Variants in MAGEL2 observed in about 807,000 individuals in gnomAD.
MAGEL2 encodes the protein MAGE family member L2.
For synonymous variants in MAGEL2, 792 were observed against 721.7 expected, an observed-to-expected ratio of 1.10 and a Z score of -1.56; for missense variants, 1,830 against 1,699.2, an observed-to-expected ratio of 1.08 and a Z score of -1.35.
chr15:23,646,685 TG>T lies in MAGEL2; in HGVS notation c.1057del (p.Gln353ArgfsTer10). 2 of 1,519,310 alleles carry T rather than the reference TG, an allele frequency of 1.3e-6. No homozygotes were observed. Among genetic ancestry groups the T allele is most frequent in the Non-Finnish European group, 8.8e-7 (1 of 1,137,502 alleles). 94.1% of individuals were successfully genotyped at this position (1,519,310 alleles called of 1,614,324 possible). A position where few individuals can be genotyped will look rare whatever the true frequency, so the allele number is the denominator to read the frequency against. ...QVIRAPPQVPQGPQAPPAQLA... is the reference protein window; with the variant it reads ...QVIRAPPQVPXGPQAPPAQLA... ...CTGCGCTGGGGGTGCCTGCGGGCCCTGGGGAACCTGCGGAGGAGCCCTTATA... is the reference window on the plus strand; with the variant it reads ...CTGCGCTGGGGGTGCCTGCGGGCCCTGGGAACCTGCGGAGGAGCCCTTATA... On this transcript the variant is annotated frameshift_variant, in exon 1 of 1. Coordinates refer to ENST00000650528, the MANE Select transcript of MAGEL2 (RefSeq NM_019066.5). LOFTEE classifies it low-confidence loss of function (END_TRUNC). The surrounding 1 kb of genome is among the most constrained non-coding windows in gnomAD (Gnocchi z 4.2).
At position 23,644,030 on chromosome 15, in the gene MAGEL2, C is replaced by T; in HGVS notation, c.3713G>A (p.Ser1238Asn). The change falls in exon 1 of 1, where the codon AGT (serine) becomes AAT (asparagine). Residue 1238 changes from serine to asparagine, a missense_variant. Ser to Asn is a conservative substitution (Grantham distance 46, BLOSUM62 1). Transcript: ENST00000650528. ...TDEDEPDTGD[S>N]AHGPTSRPPP... ...GGGCCTGCTGGTGGGGCCGTGGGCACTGTCACCGGTGTCAGGTTCATCCTC... is the reference window on the plus strand; with the variant it reads ...GGGCCTGCTGGTGGGGCCGTGGGCATTGTCACCGGTGTCAGGTTCATCCTC... 6.2e-7 allele frequency: 1 copy of T among 1,609,200 alleles called. No homozygotes were observed. Among genetic ancestry groups the T allele is most frequent in the Non-Finnish European group, 8.5e-7 (1 of 1,176,822 alleles).
rs749259273 is a variant in MAGEL2, at chr15:23,645,567, T to C, written c.2176A>G (p.Ile726Val). 4.2e-5 allele frequency: 68 copies of C among 1,611,354 alleles called. No homozygotes were observed. The South Asian group carries it at 6.5e-4, about 15-fold the overall frequency. The part of the protein sequence containing the change: ...TPSGECRASS[I>V]DRRGSSKERR... ...TCTTTAGAGGAGCCCCTGCGGTCTATAGAAGAGGCCCTGCATTCTCCTGAT... is the reference window on the plus strand; with the variant it reads ...TCTTTAGAGGAGCCCCTGCGGTCTACAGAAGAGGCCCTGCATTCTCCTGAT... The change falls in exon 1 of 1, where the codon ATA (isoleucine) becomes GTA (valine). Residue 726 changes from isoleucine to valine, a missense_variant. Transcript: ENST00000650528.
Position 23,644,338 on chromosome 15 carries a change from A to C in MAGEL2, c.3405T>G (p.Phe1135Leu). The change falls in exon 1 of 1, where the codon TTT (phenylalanine) becomes TTG (leucine). Residue 1135 changes from phenylalanine to leucine, a missense_variant. Transcript: ENST00000650528. ...NCVREDLIFN[F>L]LFKLGLDVRE... ...GGACATCCAACCCTAACTTGAACAGAAAATTAAAGATCAGATCCTCCCTGA... is the reference window on the plus strand; with the variant it reads ...GGACATCCAACCCTAACTTGAACAGCAAATTAAAGATCAGATCCTCCCTGA... 6.2e-7 allele frequency: 1 copy of C among 1,613,900 alleles called. No homozygotes were observed. Among genetic ancestry groups the C allele is most frequent in the Non-Finnish European group, 8.5e-7 (1 of 1,179,892 alleles).
In MAGEL2 at chr15:23,646,936, G is replaced by T. The variant is rs377155487; in HGVS notation, c.807C>A (p.Thr269=). 155 of 1,536,758 alleles carry T rather than the reference G, an allele frequency of 1.0e-4. No homozygotes were observed. Among genetic ancestry groups the T allele is most frequent in the Non-Finnish European group, 1.3e-4 (150 of 1,146,830 alleles). The part of the protein sequence containing the change: ...MVQPPPAAMM[T]QPQPSGAPMA... ...TCGGTGCTCCTGAAGGCTGAGGCTG[G>T]GTCATCATGGCTGCTGGAGGCGGCT... Residue 269 remains threonine (T), a synonymous_variant, in exon 1 of 1, where the codon ACC becomes ACA. Transcript: ENST00000650528. This position sits in a 1 kb window ranked among gnomAD's most constrained non-coding sequence, Gnocchi z 4.2.
chr15:23,646,304 C>A lies in MAGEL2; in HGVS notation c.1439G>T (p.Arg480Leu). The change falls in exon 1 of 1, where the codon CGC becomes CTC. Residue 480 changes from arginine (R) to leucine (L), a missense_variant. By Grantham distance (102) the Arg-to-Leu change is moderately radical. Coordinates refer to ENST00000650528, the MANE Select transcript of MAGEL2 (RefSeq NM_019066.5). The surrounding 1 kb of genome is among the most constrained non-coding windows in gnomAD (Gnocchi z 4.2). ...CTGGCGGATCACAGGTGGAGCCTGG[C>A]GGATCACAGGTGGGGCCTGGCGGAT... ...PVIRQAPPVI[R>L]QAPPVIRQAP... 3 of 1,370,682 alleles carry A rather than the reference C, an allele frequency of 2.2e-6. No homozygotes were observed. The highest frequency in any genetic ancestry group is 1.8e-5 in the South Asian group (1 of 55,860). The allele number at this position is 1,370,682 out of a possible 1,614,324, so 84.9% of individuals were successfully genotyped here. A position where few individuals can be genotyped will look rare whatever the true frequency, so the allele number is the denominator to read the frequency against.
rs770559227 is a variant in MAGEL2, at chr15:23,644,263, C to T, written c.3480G>A (p.Val1160=). Residue 1160 remains valine (V), a synonymous_variant, in exon 1 of 1, where the codon GTG becomes GTA. Transcript: ENST00000650528. ...ACTCTAGGTACTTCTGCCTGACAAA[C>T]ACTTCGGTGATGAGCTTCTTAGTAT... ...FGNTKKLITE[V]FVRQKYLEYR... The T allele has an allele frequency of 1.5e-5, 25 of 1,613,658 alleles. No individual in the cohort carries two copies. The highest frequency in any genetic ancestry group is 2.0e-5 in the Non-Finnish European group (24 of 1,179,892).
In MAGEL2 at chr15:23,646,078, C is replaced by T. The variant is rs768084923; in HGVS notation, c.1665G>A (p.Pro555=). 1.3e-5 allele frequency: 19 copies of T among 1,471,814 alleles called. No homozygotes were observed. The highest frequency in any genetic ancestry group is 1.3e-5 in the Non-Finnish European group (15 of 1,116,898). 91.2% of individuals were successfully genotyped at this position (1,471,814 alleles called of 1,614,324 possible). The change falls in exon 1 of 1, where the codon CCG becomes CCA. Residue 555 remains proline (P), a synonymous_variant. Coordinates refer to ENST00000650528, the MANE Select transcript of MAGEL2 (RefSeq NM_019066.5). The surrounding 1 kb of genome is among the most constrained non-coding windows in gnomAD (Gnocchi z 4.2). The part of the protein sequence containing the change: ...APPATQVPAA[P]PAGPQVPQPV... ...GCTGGGGCACCTGCGGGCCAGCGGG[C>T]GGCGCCGCGGGTACCTGCGTAGCAG...
Position 23,644,304 on chromosome 15 carries a change from T to A in MAGEL2, c.3439A>T (p.Asn1147Tyr). Residue 1147 changes from asparagine (N) to tyrosine (Y), a missense_variant, in exon 1 of 1, where the codon AAC (asparagine) becomes TAC (tyrosine). By Grantham distance (143) the Asn-to-Tyr change is moderately radical. Transcript: ENST00000650528. ...FKLGLDVRET[N>Y]GLFGNTKKLI... is the part of the protein sequence containing the mutation. ...TTCTTAGTATTTCCAAAGAGACCGT[T>A]TGTCTCCCGGACATCCAACCCTAAC... The A allele has an allele frequency of 6.2e-7, 1 of 1,613,728 alleles. No homozygotes were observed. The highest frequency in any genetic ancestry group is 1.1e-5 in the South Asian group (1 of 91,076).
rs1555374227 is a variant in MAGEL2 at position 23,645,624 on chromosome 15, GA to G, written c.2118del (p.Leu708TrpfsTer7). The G allele has an allele frequency of 6.3e-7, 1 of 1,593,528 alleles. No homozygotes were observed. The highest frequency in any genetic ancestry group is 8.5e-7 in the Non-Finnish European group (1 of 1,170,710). On this transcript the variant is annotated frameshift_variant, in exon 1 of 1. Coordinates refer to ENST00000650528, the MANE Select transcript of MAGEL2 (RefSeq NM_019066.5). LOFTEE classifies it low-confidence loss of function (END_TRUNC). ...ATCAATGATTTAGCGGAGCCCAGGG[GA>G]AAATTTGCCGCTGCTACCGGGGGTC... ...QPGPPVAAAN[F>X]PLGSAKSLMT...
In MAGEL2 at chr15:23,647,668, G is replaced by T; in HGVS notation, c.75C>A (p.Arg25=). Residue 25 remains arginine (R), a synonymous_variant, in exon 1 of 1, where the codon CGC becomes CGA. Transcript: ENST00000650528. ...AEAPKPPVYS[R]PTVLMRAPPA... ...GCGGGGCCCGCATCAGAACCGTAGGGCGGCTATAGACAGGCGGCTTCGGGG... is the reference window on the plus strand; with the variant it reads ...GCGGGGCCCGCATCAGAACCGTAGGTCGGCTATAGACAGGCGGCTTCGGGG... 6.5e-7 allele frequency: 1 copy of T among 1,530,526 alleles called. No homozygotes were observed. Among genetic ancestry groups the T allele is most frequent in the South Asian group, 1.2e-5 (1 of 83,068 alleles). The allele number at this position is 1,530,526 out of a possible 1,614,324, so 94.8% of individuals were successfully genotyped here.
In MAGEL2 at chr15:23,646,902, G is replaced by T. The variant is rs973727889; in HGVS notation, c.841C>A (p.Pro281Thr). 4 of 1,537,066 alleles carry T rather than the reference G, an allele frequency of 2.6e-6. No homozygotes were observed. The highest frequency in any genetic ancestry group is 3.5e-6 in the Non-Finnish European group (4 of 1,146,884). ...PQPSGAPMAK[P>T]PGPGVLMIHP... is the part of the protein sequence containing the mutation. ...ATCATCAGGACTCCTGGACCTGGAG[G>T]CTTGGCCATCGGTGCTCCTGAAGGC... The change falls in exon 1 of 1, where the codon CCT becomes ACT. Residue 281 changes from proline (P) to threonine (T), a missense_variant. Physicochemically the swap from Pro to Thr is conservative, Grantham distance 38 (BLOSUM62 -1). Transcript: ENST00000650528. The surrounding 1 kb of genome is among the most constrained non-coding windows in gnomAD (Gnocchi z 4.2).
At position 23,647,370 on chromosome 15, in the gene MAGEL2, G is replaced by A. The variant is rs1312710350; in HGVS notation, c.373C>T (p.Pro125Ser). Reference sequence around the variant, plus strand: ...GAAGGATGCACCATCAGGACTCCCGGGGTCGGAGGCTGGGCCATCGGGGCT... The same window carrying A: ...GAAGGATGCACCATCAGGACTCCCGAGGTCGGAGGCTGGGCCATCGGGGCT... The part of the protein sequence containing the change: ...PGAPMAQPPT[P>S]GVLMVHPSAP... Residue 125 changes from proline (P) to serine (S), a missense_variant, in exon 1 of 1, where the codon CCG (proline) becomes TCG (serine). Physicochemically the swap from Pro to Ser is moderately conservative, Grantham distance 74. Transcript: ENST00000650528. 4.6e-6 allele frequency: 7 copies of A among 1,536,826 alleles called. No homozygotes were observed. The African/African-American group carries it at 5.5e-5, about 12-fold the overall frequency.
In MAGEL2 at chr15:23,646,609, C is replaced by T. The variant is rs748070610; in HGVS notation, c.1134G>A (p.Thr378=). The T allele has an allele frequency of 2.0e-6, 3 of 1,472,050 alleles. No homozygotes were observed. Among genetic ancestry groups the T allele is most frequent in the Non-Finnish European group, 9.0e-7 (1 of 1,115,890 alleles). The allele number at this position is 1,472,050 out of a possible 1,614,324, so 91.2% of individuals were successfully genotyped here. Residue 378 remains threonine (T), a synonymous_variant, in exon 1 of 1, where the codon ACG becomes ACA. Transcript: ENST00000650528. The surrounding 1 kb of genome is among the most constrained non-coding windows in gnomAD (Gnocchi z 4.2). ...GGGGAGTGGCCTGCCAGCCTTGCTG[C>T]GTGGCCTGCCATCCTGGCGAGGTCG... is the stretch of plus-strand genomic sequence containing the variant. ...WQATSPGWQA[T]QQGWQATPLT...
rs1367329596 is a variant in MAGEL2 at position 23,645,988 on chromosome 15, G to A, written c.1755C>T (p.Ile585=). The A allele has an allele frequency of 1.3e-6, 2 of 1,556,428 alleles. No homozygotes were observed. The highest frequency in any genetic ancestry group is 2.7e-5 in the African/African-American group (2 of 73,494). ...SAPQAVHCPS[I]IWQAPKGQPP... is the part of the protein sequence containing the mutation. The stretch of plus-strand genomic sequence containing the variant: ...GCTGACCTTTGGGGGCCTGCCAGAT[G>A]ATGGAAGGGCAGTGCACAGCCTGCG... The change falls in exon 1 of 1, where the codon ATC becomes ATT. Residue 585 remains isoleucine, a synonymous_variant. Transcript: ENST00000650528.
rs1404723360 is a variant in MAGEL2 at position 23,646,811 on chromosome 15, G to T, written c.932C>A (p.Pro311Gln). The T allele has an allele frequency of 6.5e-7, 1 of 1,536,180 alleles. No homozygotes were observed. Among genetic ancestry groups the T allele is most frequent in the African/African-American group, 1.4e-5 (1 of 73,168 alleles). ...CATCGGCTGTGCAGGTGGGGCCGCC[G>T]GCTGTGCCATCGGTGCTCCTGAAGC... ...PPASGAPMAQ[P>Q]AAPPAQPMAP... Residue 311 changes from proline (P) to glutamine (Q), a missense_variant, in exon 1 of 1, where the codon CCG becomes CAG. Physicochemically the swap from Pro to Gln is moderately conservative, Grantham distance 76 (BLOSUM62 -1). Transcript: ENST00000650528. This position sits in a 1 kb window ranked among gnomAD's most constrained non-coding sequence, Gnocchi z 4.2.
At position 23,646,917 on chromosome 15, in the gene MAGEL2, C is replaced by A; in HGVS notation, c.826G>T (p.Ala276Ser). The A allele has an allele frequency of 6.5e-7, 1 of 1,536,792 alleles. No homozygotes were observed. Among genetic ancestry groups the A allele is most frequent in the Non-Finnish European group, 8.7e-7 (1 of 1,146,808 alleles). The change falls in exon 1 of 1, where the codon GCA (alanine) becomes TCA (serine). Residue 276 changes from alanine to serine, a missense_variant. By Grantham distance (99) the Ala-to-Ser change is moderately conservative. Transcript: ENST00000650528. The surrounding 1 kb of genome is among the most constrained non-coding windows in gnomAD (Gnocchi z 4.2). ...GGACCTGGAGGCTTGGCCATCGGTG[C>A]TCCTGAAGGCTGAGGCTGGGTCATC... is the stretch of plus-strand genomic sequence containing the variant. ...AMMTQPQPSG[A>S]PMAKPPGPGV...
chr15:23,645,740 G>T lies in MAGEL2; in HGVS notation c.2003C>A (p.Ala668Asp). 6.4e-7 allele frequency: 1 copy of T among 1,570,368 alleles called. No individual in the cohort carries two copies. The highest frequency in any genetic ancestry group is 8.6e-7 in the Non-Finnish European group (1 of 1,160,226). The change falls in exon 1 of 1, where the codon GCC becomes GAC. Residue 668 changes from alanine to aspartate, a missense_variant. Coordinates refer to ENST00000650528, the MANE Select transcript of MAGEL2 (RefSeq NM_019066.5). ...AVQIQLPPQQAQASGPQAEVP... is the reference protein window; with the variant it reads ...AVQIQLPPQQDQASGPQAEVP... ...CTCCGCTTGCGGACCCGATGCCTGGGCCTGCTGGGGGGGTAGCTGGATTTG... is the reference window on the plus strand; with the variant it reads ...CTCCGCTTGCGGACCCGATGCCTGGTCCTGCTGGGGGGGTAGCTGGATTTG...
In MAGEL2 at chr15:23,645,523, C is replaced by A; in HGVS notation, c.2220G>T (p.Lys740Asn). ...GSSKERRTSS[K>N]ERRAPSKDRM... ...GGTCTTTTGAAGGGGCCCTGCGCTC[C>A]TTCGAGGAGGTCCTGCGCTCTTTAG... Residue 740 changes from lysine to asparagine, a missense_variant, in exon 1 of 1, where the codon AAG becomes AAT. Transcript: ENST00000650528. The A allele has an allele frequency of 3.7e-6, 6 of 1,613,808 alleles. No homozygotes were observed. The highest frequency in any genetic ancestry group is 5.1e-6 in the Non-Finnish European group (6 of 1,179,824).
chr15:23,646,148 G>T lies in MAGEL2; in HGVS notation c.1595C>A (p.Pro532Gln), dbSNP rs1374185036. 1 of 1,345,186 alleles carries T rather than the reference G, an allele frequency of 7.4e-7. No homozygotes were observed. The allele number at this position is 1,345,186 out of a possible 1,614,324, so 83.3% of individuals were successfully genotyped here. The change falls in exon 1 of 1, where the codon CCG becomes CAG. Residue 532 changes from proline (P) to glutamine (Q), a missense_variant. By Grantham distance (76) the Pro-to-Gln change is moderately conservative. Transcript: ENST00000650528. The surrounding 1 kb of genome is among the most constrained non-coding windows in gnomAD (Gnocchi z 4.2). ...PLRQAPQARL[P>Q]APQVQAAPQV... is the part of the protein sequence containing the mutation. Reference sequence around the variant, plus strand: ...CGGCGCCGCCTGCACCTGCGGGGCCGGCAGCCTAGCCTGCGGGGCCTGCCG... The same window carrying T: ...CGGCGCCGCCTGCACCTGCGGGGCCTGCAGCCTAGCCTGCGGGGCCTGCCG...
Sources: allele counts gnomAD v4.1 joint callset, GRCh38; gene constraint gnomAD v4.1.1; non-coding constraint Gnocchi (gnomAD v3.1); transcripts MANE v1.5; gene names NCBI Gene and HGNC (gene_info 2026-07-23, HGNC 2026-07-21).